DIP2C: variants seen among roughly 807,000 people sequenced by gnomAD.
The protein encoded by DIP2C is disco-interacting protein 2 homolog C.
DIP2C carries 33 observed loss-of-function variants against 192.4 expected under a neutral mutation model. The observed-to-expected ratio is 0.17, with a 90% CI of 0.13 to 0.23. DIP2C has a LOEUF of 0.23. Among genes scored for constraint, DIP2C ranks in the 10% least tolerant of loss-of-function variants. The pLI is 1.00. For synonymous variants in DIP2C, 979 were observed against 864.1 expected (o/e 1.13, Z -2.33); for missense variants, 1,537 against 2,110.1 (o/e 0.73, Z 5.32).
chr10:588,969 T>G lies in DIP2C; in HGVS notation c.85+100525A>C, dbSNP rs542175577. Among the ~76,000 whole-genome samples, 18 of 152,120 alleles carry G rather than the reference T, an allele frequency of 1.2e-4. No homozygotes were observed. In the East Asian group the frequency reaches 3.3e-3, roughly 28 times the overall value. On this transcript the variant is annotated intron_variant, in intron 1 of 36. Coordinates refer to ENST00000280886, the MANE Select transcript of DIP2C (RefSeq NM_014974.3). The stretch of plus-strand genomic sequence containing the variant: ...GCTGAACCGCAGCATCACACAGGAG[T>G]CCCGGCTGCCTCTGTCCTCACCACC...
intron 1 of DIP2C, among the ~76,000 whole-genome samples, chr10:515,665 G>A (rs772248979): frequency 2.8e-4 from 42 of 152,088 alleles, no homozygotes; most frequent in Non-Finnish European, 4.9e-4. Flanking sequence ...CAGAGGTTGC[G>A]GTGAGCCAAG....
chr10:466,890 C>T (rs373479181), intron 3 of DIP2C, among the ~76,000 whole-genome samples: 1 of 143,412 alleles, frequency 7.0e-6, no homozygotes, highest in Non-Finnish European at 1.5e-5. Context: ...ACAACAGGTG[C>T]TGGAGAGGAT....
In DIP2C at chr10:371,729, C is replaced by T. The variant is rs554135645; in HGVS notation, c.1992-2096G>A. 4.0e-5 allele frequency among the ~76,000 whole-genome samples: 6 copies of T among 150,074 alleles called. 1 individual carries two copies. Among genetic ancestry groups the T allele is most frequent in the South Asian group, 4.2e-4 (2 of 4,728 alleles). On this transcript the variant is annotated intron_variant, in intron 17 of 36. Coordinates refer to ENST00000280886, the MANE Select transcript of DIP2C (RefSeq NM_014974.3). ...GGCCTGGGCTGAGCTGAGCAGCACC[C>T]GAGGGAGGCTGCGGTCAGGCCTGGG...
At chr10:614,131 G>A (rs957747194) in intron 1 of DIP2C, among the ~76,000 whole-genome samples, 3 of 152,202 alleles carry the variant, frequency 2.0e-5, no homozygotes, top group African/African-American at 7.2e-5. Context: ...CATTCTCTTT[G>A]CCATGCACAC....
chr10:621,414 G>A (rs943715511), intron 1 of DIP2C, among the ~76,000 whole-genome samples: 15 of 145,882 alleles, frequency 1.0e-4, no homozygotes, highest in Non-Finnish European at 7.5e-5. Flanking sequence ...ATGTGCTCAC[G>A]AGTCTGCCAA....
chr10:641,509 G>A (rs774638644), intron 1 of DIP2C, among the ~76,000 whole-genome samples: 3 of 152,058 alleles, frequency 2.0e-5, no homozygotes, highest in African/African-American at 7.2e-5. Context: ...CTCACACAAC[G>A]CCCCTCCTCT....
At chr10:300,203 T>TA (rs765855223) in intron 32 of DIP2C, among the ~76,000 whole-genome samples, 3 of 152,182 alleles carry the variant, frequency 2.0e-5, no homozygotes, top group African/African-American at 4.8e-5. Context: ...ACAGTATCTA[T>TA]AAACCCATGT....
At chr10:382,801 CTG>C in intron 16 of DIP2C, 40 bp from the exon 17 acceptor site, 3 of 1,413,356 alleles carry the variant, frequency 2.1e-6, no homozygotes, top group Middle Eastern at 3.6e-4. Flanking sequence ...AGCTGAAGCA[CTG>C]TGATTGATTA....
At chr10:432,625 T>C (rs144939215) in intron 4 of DIP2C, among the ~76,000 whole-genome samples, 3,070 of 152,320 alleles carry the variant, frequency 0.02, 46 homozygotes, top group Non-Finnish European at 0.034. Flanking sequence ...GTTGGTTTCG[T>C]TGATTTTCTC....
chr10:554,947 A>C (rs1289584737), intron 1 of DIP2C, among the ~76,000 whole-genome samples: 1 of 152,044 alleles, frequency 6.6e-6, no homozygotes, highest in African/African-American at 2.4e-5. Flanking sequence ...CTGGTTCGTC[A>C]GAGACAGAGT....
At chr10:475,827 A>G (rs1184624215) in intron 2 of DIP2C, among the ~76,000 whole-genome samples, 2 of 152,216 alleles carry the variant, frequency 1.3e-5, no homozygotes. Context: ...GCGTCGCTCA[A>G]CTGGATTCCA....
rs540690572 is a variant in DIP2C at position 540,949 on chromosome 10, G to A, written c.86-54419C>T. On this transcript the variant is annotated intron_variant, in intron 1 of 36. Transcript: ENST00000280886. The stretch of plus-strand genomic sequence containing the variant: ...AGGACAAACACATGGTAGGAAGGTG[G>A]TGGTCGTGCTACACGCAGATGGGGA... Among the ~76,000 whole-genome samples the A allele has an allele frequency of 9.2e-5, 14 of 152,282 alleles. No individual in the cohort carries two copies. The South Asian group carries it at 2.9e-3, about 32-fold the overall frequency.
intron 3 of DIP2C, among the ~76,000 whole-genome samples, chr10:456,475 G>A (rs61837254): frequency 1.4e-5 from 2 of 141,762 alleles, no homozygotes; most frequent in Non-Finnish European, 3.0e-5. Flanking sequence ...ACTGTGAGGA[G>A]TAAATGAGTG....
chr10:443,803 A>T (rs1201385543), intron 3 of DIP2C, among the ~76,000 whole-genome samples: 1 of 152,236 alleles, frequency 6.6e-6, no homozygotes, highest in Non-Finnish European at 1.5e-5. Flanking sequence ...AAATGCTTTC[A>T]GAATTGCTAT....
At chr10:648,855 A>C (rs1193920076) in intron 1 of DIP2C, among the ~76,000 whole-genome samples, 3 of 78,122 alleles carry the variant, frequency 3.8e-5, no homozygotes, top group Admixed American at 1.4e-4. Flanking sequence ...AGAACAGAGG[A>C]AAACTGAGTC....
intron 1 of DIP2C, among the ~76,000 whole-genome samples, chr10:603,538 G>A (rs1328455365): frequency 6.6e-6 from 1 of 152,114 alleles, no homozygotes; most frequent in African/African-American, 2.4e-5. Flanking sequence ...AGACCATACT[G>A]TGATCGAAAT....
chr10:310,847 A>G (rs1451492752), intron 31 of DIP2C, among the ~76,000 whole-genome samples: 2 of 152,162 alleles, frequency 1.3e-5, no homozygotes, highest in Non-Finnish European at 2.9e-5. Flanking sequence ...TTGTACACTC[A>G]TTTTTGGGGA....
At position 344,806 on chromosome 10, in the gene DIP2C, C is replaced by T. The variant is rs1441692482; in HGVS notation, c.3453+3G>A. 1 of 1,580,026 alleles carries T rather than the reference C, an allele frequency of 6.3e-7. No homozygotes were observed. Among genetic ancestry groups the T allele is most frequent in the East Asian group, 2.3e-5 (1 of 44,014 alleles). Reference sequence around the variant, plus strand: ...GGCCACCGCCCGCAGCCACCCCCCTCACCTTTACGCCAGCTAGCATCCCAG... The same window carrying T: ...GGCCACCGCCCGCAGCCACCCCCCTTACCTTTACGCCAGCTAGCATCCCAG... On this transcript the variant is annotated splice_donor_region_variant and intron_variant, in intron 28 of 36. Transcript: ENST00000280886.
intron 4 of DIP2C, among the ~76,000 whole-genome samples, chr10:431,962 G>C (rs947678617): frequency 6.6e-6 from 1 of 152,172 alleles, no homozygotes; most frequent in Non-Finnish European, 1.5e-5. Flanking sequence ...ATGAGTGTTA[G>C]ATTTTGTCAA....
Sources: gnomAD v4.1 joint callset for allele counts (sites outside exome capture counted in the v4.1 genomes callset) on GRCh38, gnomAD v4.1.1 for gene constraint, MANE v1.5 for transcripts, NCBI Gene and HGNC (gene_info 2026-07-23, HGNC 2026-07-21) for gene names.